The following DNAH8 variants were observed in gnomAD, a reference collection of about 807,000 sequenced individuals.
The protein encoded by DNAH8 is axonemal beta dynein heavy chain 8.
DNAH8 carries 382 observed loss-of-function variants against 562.1 expected under a neutral mutation model. That is an observed-to-expected ratio of 0.68 (90% CI 0.63 to 0.74). The LOEUF is 0.74. Among genes scored for constraint, DNAH8 ranks in the 30% least tolerant of loss-of-function variants. The probability of loss-of-function intolerance (pLI) is 0.00; values close to 1 mark genes in which losing one functional copy is unlikely to be tolerated. For missense variants in DNAH8, 5,203 were observed against 5,620.4 expected (o/e 0.93, Z 2.37); for synonymous variants, 1,881 against 1,919.4 (o/e 0.98, Z 0.52).
chr6:38,871,942 G>A (rs1561792712), intron 49 of DNAH8, among the ~76,000 whole-genome samples: 1 of 152,188 alleles, frequency 6.6e-6, no homozygotes, highest in Non-Finnish European at 1.5e-5. Flanking sequence ...TCTCCCGAGG[G>A]ATCAGGCTCA....
intron 91 of DNAH8, among the ~76,000 whole-genome samples, chr6:39,024,050 C>T (rs2150795664): frequency 6.6e-6 from 1 of 152,260 alleles, no homozygotes; most frequent in African/African-American, 2.4e-5. Flanking sequence ...TAGAGTTTTT[C>T]AGAGCTCTGA....
intron 78 of DNAH8, among the ~76,000 whole-genome samples, chr6:38,938,430 G>T (rs1319139697): frequency 1.3e-5 from 2 of 152,198 alleles, no homozygotes; most frequent in Non-Finnish European, 2.9e-5. Flanking sequence ...ATGAACTCAT[G>T]TCCTTTGCAG....
At chr6:38,800,016 A>G (rs1007355956) in intron 21 of DNAH8, among the ~76,000 whole-genome samples, 1 of 152,186 alleles carries the variant, frequency 6.6e-6, no homozygotes, top group African/African-American at 2.4e-5. Flanking sequence ...TAGTGTGAAT[A>G]TGGCTTACTG....
At chr6:38,828,091 C>G (rs1773518163) in intron 29 of DNAH8, 93 bp from the exon 30 acceptor site, 1 of 807,350 alleles carries the variant, frequency 1.2e-6, no homozygotes, top group Non-Finnish European at 2.0e-6. Flanking sequence ...CTGTCTTCTT[C>G]TAAGACATAG....
At chr6:38,887,788 A>G (rs1192947791) in intron 57 of DNAH8, among the ~76,000 whole-genome samples, 1 of 151,442 alleles carries the variant, frequency 6.6e-6, no homozygotes, top group African/African-American at 2.4e-5. Context: ...AAGAACATTA[A>G]TTATTTGATA....
chr6:38,952,541 C>A (rs1761987629), intron 82 of DNAH8, among the ~76,000 whole-genome samples: 1 of 152,176 alleles, frequency 6.6e-6, no homozygotes, highest in East Asian at 1.9e-4. Context: ...ATCACTAAAT[C>A]TATCCTGTGA....
At chr6:39,005,758 T>A (rs979568508) in intron 88 of DNAH8, among the ~76,000 whole-genome samples, 2 of 152,246 alleles carry the variant, frequency 1.3e-5, no homozygotes, top group African/African-American at 2.4e-5. Flanking sequence ...AAGACACTTT[T>A]CCATTTTCTT....
rs760404927 is a variant in DNAH8 at position 38,822,862 on chromosome 6, C to T, written c.3548C>T (p.Ala1183Val). 9 of 1,600,310 alleles carry T rather than the reference C, an allele frequency of 5.6e-6. No individual in the cohort carries two copies. The highest frequency in any genetic ancestry group is 7.7e-6 in the Non-Finnish European group (9 of 1,175,650). The change falls in exon 27 of 93, where the codon GCG becomes GTG. Residue 1183 changes from alanine (A) to valine (V), a missense_variant. Around this residue, in one of 6 missense-constraint regions of DNAH8, gnomAD observed 2,176 missense variants for 2,365.1 expected, o/e 0.92. Transcript: ENST00000327475. ...EERSFEEAIP[A>V]RKLKNFYPGV... ...GGATCTTTTGAAGAAGCTATTCCTGCGAGGAAGCTGAAGAATTTTTACCCG... is the reference window on the plus strand; with the variant it reads ...GGATCTTTTGAAGAAGCTATTCCTGTGAGGAAGCTGAAGAATTTTTACCCG...
At chr6:38,952,821 A>G (rs943743612) in intron 82 of DNAH8, among the ~76,000 whole-genome samples, 1 of 152,222 alleles carries the variant, frequency 6.6e-6, no homozygotes, top group African/African-American at 2.4e-5. Context: ...TCTATTGGCA[A>G]CTGCTCATGG....
intron 53 of DNAH8, among the ~76,000 whole-genome samples, chr6:38,877,383 G>A (rs983738397): frequency 6.8e-6 from 1 of 146,382 alleles, no homozygotes; most frequent in African/African-American, 2.5e-5. Flanking sequence ...GACTGGTTCT[G>A]TAAGTTTAGA....
intron 86 of DNAH8, among the ~76,000 whole-genome samples, chr6:38,983,958 T>C (rs1347207923): frequency 6.6e-6 from 1 of 152,224 alleles, no homozygotes; most frequent in Non-Finnish European, 1.5e-5. Flanking sequence ...TTTTTCCCTA[T>C]TTTAAATAAT....
chr6:38,817,552 G>A (rs756387454), intron 26 of DNAH8, among the ~76,000 whole-genome samples: 7 of 152,186 alleles, frequency 4.6e-5, no homozygotes, highest in Non-Finnish European at 8.8e-5. Context: ...GTTGGTGTCA[G>A]CTGAAAATGG....
At chr6:38,970,256 C>T (rs1166806455) in intron 82 of DNAH8, among the ~76,000 whole-genome samples, 8 of 152,040 alleles carry the variant, frequency 5.3e-5, no homozygotes, top group African/African-American at 1.5e-4. Context: ...TGTGTTCTTC[C>T]GAAATAAGTG....
intron 32 of DNAH8, among the ~76,000 whole-genome samples, chr6:38,835,845 A>G (rs1248529226): frequency 6.6e-6 from 1 of 152,092 alleles, no homozygotes; most frequent in Admixed American, 6.6e-5. Context: ...GCAGGGAGTG[A>G]TATGATCATA....
chr6:38,983,107 T>C (rs1764143992), intron 86 of DNAH8, among the ~76,000 whole-genome samples: 1 of 152,208 alleles, frequency 6.6e-6, no homozygotes, highest in Non-Finnish European at 1.5e-5. Flanking sequence ...TTCACACATA[T>C]AAAGGGTTGG....
intron 9 of DNAH8, among the ~76,000 whole-genome samples, chr6:38,755,167 T>C (rs1765797773): frequency 6.6e-6 from 1 of 152,160 alleles, no homozygotes; most frequent in African/African-American, 2.4e-5. Context: ...TGGGTGTCTT[T>C]TTTCTTTCTT....
At chr6:38,860,000 T>A (rs1274869652) in intron 42 of DNAH8, among the ~76,000 whole-genome samples, 1 of 152,186 alleles carries the variant, frequency 6.6e-6, no homozygotes, top group Non-Finnish European at 1.5e-5. Flanking sequence ...GCCAATCAGA[T>A]CTTCTAGACA....
At chr6:38,896,628 A>G (rs1779715812) in intron 60 of DNAH8, among the ~76,000 whole-genome samples, 1 of 151,956 alleles carries the variant, frequency 6.6e-6, no homozygotes, top group East Asian at 1.9e-4. Flanking sequence ...AAAGAGAGAG[A>G]GAGAGTTCAG....
chr6:38,736,886 TG>T (rs1338476074), intron 5 of DNAH8, among the ~76,000 whole-genome samples, 180 bp from the exon 6 acceptor site: 2 of 152,122 alleles, frequency 1.3e-5, no homozygotes, highest in African/African-American at 2.4e-5. Flanking sequence ...ATAATTAAAT[TG>T]GGGGCAGAAT....
Sources: gnomAD v4.1 joint callset for allele counts (sites outside exome capture counted in the v4.1 genomes callset) on GRCh38, gnomAD v4.1.1 for gene constraint, gnomAD v4.1.1 regional missense constraint, MANE v1.5 for transcripts, NCBI Gene and HGNC (gene_info 2026-07-23, HGNC 2026-07-21) for gene names.